The following UST variants were observed in gnomAD, a reference collection of about 807,000 sequenced individuals.
UST encodes chondroitin sulfate 2-O-sulfotransferase.
Under a neutral mutation model 45.6 loss-of-function variants are expected in UST, and 21 were observed. That is an observed-to-expected ratio of 0.46 (90% CI 0.33 to 0.66). The LOEUF (loss-of-function observed/expected upper bound fraction) is 0.66, where lower values mean the gene tolerates loss of function less well. UST is among the 30% of genes least tolerant of loss of function. The pLI is 0.02. For missense variants in UST, 463 were observed against 512.4 expected (o/e 0.90, Z 0.93); for synonymous variants, 215 against 200.6 (o/e 1.07, Z -0.61).
intron 4 of UST, among the ~76,000 whole-genome samples, chr6:148,957,060 G>T (rs1442291592): frequency 6.6e-6 from 1 of 152,184 alleles, no homozygotes; most frequent in African/African-American, 2.4e-5. Context: ...GAACTGAAAG[G>T]GATGCAGTGC....
chr6:149,012,378 C>T (rs1775828223), intron 5 of UST, among the ~76,000 whole-genome samples: 2 of 152,080 alleles, frequency 1.3e-5, no homozygotes. Context: ...TAACTTAGAC[C>T]ACATCCATTC....
intron 1 of UST, among the ~76,000 whole-genome samples, chr6:148,812,564 T>G (rs1232657037): frequency 6.6e-6 from 1 of 152,168 alleles, no homozygotes; most frequent in Admixed American, 6.5e-5. Context: ...ATCTGAGGGC[T>G]TCACTGGGGC....
Position 148,871,117 on chromosome 6 carries a change from C to CCTCTCTCTCTCTCTCTCTCTCTCTCTCT in UST, c.248-15867_248-15840dup, listed in dbSNP as rs749134391. ...GAAGGAGACAGCCAAGCATTCTCTC[C>CCTCTCTCTCTCTCTCTCTCTCTCTCTCT]CTCTCTCTCTCTCTCTCTCTCTCTC... On this transcript the variant is annotated intron_variant, in intron 1 of 7. Transcript: ENST00000367463. 9.4e-4 allele frequency among the ~76,000 whole-genome samples: 92 copies of CCTCTCTCTCTCTCTCTCTCTCTCTCTCT among 97,572 alleles called. 17 individuals carry two copies. The highest frequency in any genetic ancestry group is 3.6e-3 in the African/African-American group (79 of 21,650). 64.0% of individuals were successfully genotyped at this position (97,572 alleles called of 152,430 possible).
At chr6:148,903,649 A>C (rs1208619956) in intron 2 of UST, among the ~76,000 whole-genome samples, 1 of 138,436 alleles carries the variant, frequency 7.2e-6, no homozygotes, top group African/African-American at 2.8e-5. Flanking sequence ...ATTTCTCAGT[A>C]TTTGATTTGT....
chr6:148,755,500 T>G (rs1776077519), intron 1 of UST, among the ~76,000 whole-genome samples: 1 of 152,184 alleles, frequency 6.6e-6, no homozygotes, highest in Non-Finnish European at 1.5e-5. Flanking sequence ...CCTCTATGTC[T>G]CTACCCAAAT....
At chr6:149,041,420 G>T (rs1776312340) in intron 7 of UST, among the ~76,000 whole-genome samples, 1 of 152,234 alleles carries the variant, frequency 6.6e-6, no homozygotes. Context: ...GCCAGTAAGT[G>T]TGACTGGCCT....
chr6:148,993,609 G>A (rs984567459), intron 5 of UST, among the ~76,000 whole-genome samples: 3 of 152,174 alleles, frequency 2.0e-5, no homozygotes, highest in African/African-American at 7.2e-5. Context: ...GTAATCCCCA[G>A]TATTGGAGGT....
intron 7 of UST, among the ~76,000 whole-genome samples, chr6:149,043,016 T>TTTCTTTC (rs1776343995): frequency 1.6e-5 from 1 of 63,726 alleles, no homozygotes; most frequent in African/African-American, 7.1e-5. Context: ...TCTTTCTTTC[T>TTTCTTTC]TTCTTTTTCT....
intron 2 of UST, among the ~76,000 whole-genome samples, chr6:148,900,143 T>C (rs1262595120): frequency 6.6e-6 from 1 of 152,240 alleles, no homozygotes; most frequent in East Asian, 1.9e-4. Flanking sequence ...TCTTCAGTTG[T>C]GTAAATCTCC....
chr6:148,979,781 T>G (rs1053907353), intron 5 of UST, among the ~76,000 whole-genome samples: 2 of 152,230 alleles, frequency 1.3e-5, no homozygotes, highest in African/African-American at 4.8e-5. Flanking sequence ...TTTTCTTTTA[T>G]TTTTGGAAAC....
chr6:149,070,671 G>A (rs1776806716), intron 7 of UST, among the ~76,000 whole-genome samples: 1 of 151,940 alleles, frequency 6.6e-6, no homozygotes, highest in South Asian at 2.1e-4. Context: ...GGCATGCAAT[G>A]CATAATAATC....
chr6:148,946,781 T>G (rs1277914708), intron 3 of UST, among the ~76,000 whole-genome samples: 7 of 116,334 alleles, frequency 6.0e-5, no homozygotes, highest in Non-Finnish European at 1.6e-5. Context: ...GCCACTGCAC[T>G]CTAGCCTGGG....
intron 1 of UST, among the ~76,000 whole-genome samples, chr6:148,780,586 G>T (rs2114688229): frequency 6.6e-6 from 1 of 152,234 alleles, no homozygotes; most frequent in East Asian, 1.9e-4. Flanking sequence ...ATGGCCTCCA[G>T]CTCCATCCAC....
chr6:148,985,258 G>A (rs1318926794), intron 5 of UST, among the ~76,000 whole-genome samples: 2 of 152,234 alleles, frequency 1.3e-5, no homozygotes, highest in East Asian at 3.9e-4. Context: ...ATCATGTCTG[G>A]AACAATGTTG....
chr6:148,881,885 T>A (rs1778828917), intron 1 of UST, among the ~76,000 whole-genome samples: 1 of 152,214 alleles, frequency 6.6e-6, no homozygotes, highest in Non-Finnish European at 1.5e-5. Flanking sequence ...TGCACTCTGA[T>A]GAAAGCGTAA....
At chr6:149,049,931 T>TCTCACACA (rs1475301439) in intron 7 of UST, among the ~76,000 whole-genome samples, 26 of 134,546 alleles carry the variant, frequency 1.9e-4, no homozygotes, top group African/African-American at 5.5e-4. Flanking sequence ...TCTCTCTCTC[T>TCTCACACA]CACACACACA....
intron 3 of UST, among the ~76,000 whole-genome samples, chr6:148,945,431 TCTC>T (rs1780216823): frequency 6.6e-6 from 1 of 152,162 alleles, no homozygotes; most frequent in Admixed American, 6.5e-5. Flanking sequence ...CAGTGGCCCT[TCTC>T]CTGGAGATTC....
At chr6:148,946,232 C>G (rs547150440) in intron 3 of UST, among the ~76,000 whole-genome samples, 21 of 152,284 alleles carry the variant, frequency 1.4e-4, no homozygotes, top group Admixed American at 1.2e-3. Flanking sequence ...AGAAGGTGGG[C>G]CAGGCATGGT....
intron 1 of UST, among the ~76,000 whole-genome samples, chr6:148,830,492 A>G (rs149983321): frequency 6.6e-6 from 1 of 152,216 alleles, no homozygotes; most frequent in Non-Finnish European, 1.5e-5. Flanking sequence ...ACTCACCCAC[A>G]ATGTGTTGGG....
Sources: gnomAD v4.1 joint callset for allele counts (sites outside exome capture counted in the v4.1 genomes callset) on GRCh38, gnomAD v4.1.1 for gene constraint, MANE v1.5 for transcripts, NCBI Gene and HGNC (gene_info 2026-07-23, HGNC 2026-07-21) for gene names.